ZGPAT: variants seen among roughly 807,000 people sequenced by gnomAD.
ZGPAT encodes the protein zinc finger CCCH-type with G patch domain-containing protein.
A neutral mutation model predicts 47.9 loss-of-function variants in ZGPAT; 39 were observed. The observed-to-expected ratio is 0.81, with a 90% CI of 0.63 to 1.06. ZGPAT has a LOEUF of 1.06. Among genes scored for constraint, ZGPAT ranks in the 50% least tolerant of loss-of-function variants. ZGPAT has a pLI of 0.00. For synonymous variants in ZGPAT, 348 were observed against 292.9 expected, an observed-to-expected ratio of 1.19 and a Z score of -1.92; for missense variants, 717 against 681.4, an observed-to-expected ratio of 1.05 and a Z score of -0.58.
At chr20:63,716,723 C>T (rs1399789152) in intron 2 of ZGPAT, among the ~76,000 whole-genome samples, 1 of 152,102 alleles carries the variant, frequency 6.6e-6, no homozygotes, top group Admixed American at 6.6e-5. Context: ...GTTTCTGTCT[C>T]CCAGGCTGGA....
At chr20:63,712,673 A>G (rs969811627) in intron 2 of ZGPAT, among the ~76,000 whole-genome samples, 8 of 152,186 alleles carry the variant, frequency 5.3e-5, no homozygotes, top group African/African-American at 1.7e-4. Context: ...AGGCGGGCAT[A>G]TCACTTGAGG....
chr20:63,712,296 C>T (rs976294047), intron 2 of ZGPAT, among the ~76,000 whole-genome samples: 1 of 152,110 alleles, frequency 6.6e-6, no homozygotes, highest in African/African-American at 2.4e-5. Context: ...CACTTTTGTC[C>T]AAAATCAATT....
At chr20:63,717,320 CTTTT>C (rs1428363366) in intron 2 of ZGPAT, among the ~76,000 whole-genome samples, 15 of 110,118 alleles carry the variant, frequency 1.4e-4, no homozygotes, top group African/African-American at 5.1e-4. Context: ...TTTGAGATCT[CTTTT>C]TTCTTTTCTT....
At chr20:63,717,631 G>A (rs1299630646) in intron 2 of ZGPAT, among the ~76,000 whole-genome samples, 4 of 152,062 alleles carry the variant, frequency 2.6e-5, no homozygotes, top group South Asian at 2.1e-4. Context: ...GGAGAGCAGC[G>A]ATGCGATCAT....
chr20:63,721,262 G>C (rs942686108), intron 2 of ZGPAT, among the ~76,000 whole-genome samples: 6 of 151,720 alleles, frequency 4.0e-5, no homozygotes, highest in Non-Finnish European at 7.4e-5. Context: ...TGAGGCAGGA[G>C]AATCGCTTCA....
At chr20:63,710,552 C>T (rs576535683) in intron 2 of ZGPAT, among the ~76,000 whole-genome samples, 1 of 152,328 alleles carries the variant, frequency 6.6e-6, no homozygotes, top group South Asian at 2.1e-4. Flanking sequence ...AATCACCGCC[C>T]ACGGTCCATC....
At chr20:63,713,293 C>T (rs2145642703) in intron 2 of ZGPAT, among the ~76,000 whole-genome samples, 1 of 151,550 alleles carries the variant, frequency 6.6e-6, no homozygotes, top group Admixed American at 6.6e-5. Flanking sequence ...TGAAGTGGCC[C>T]AATCTTGGCT....
chr20:63,724,108 C>CT (rs2091818360), intron 2 of ZGPAT, among the ~76,000 whole-genome samples: 1 of 151,434 alleles, frequency 6.6e-6, no homozygotes, highest in Non-Finnish European at 1.5e-5. Context: ...GCTTTTATCT[C>CT]TAATCCCAGC....
At chr20:63,708,465 G>A (rs527638261) in intron 1 of ZGPAT, 88 bp from the exon 2 acceptor site, 7 of 944,728 alleles carry the variant, frequency 7.4e-6, no homozygotes, top group South Asian at 5.2e-5. Flanking sequence ...CTCCCCGAGG[G>A]AAAGGGGACG....
intron 2 of ZGPAT, chr20:63,730,164 AT>A (rs1038606667): frequency 2.7e-4 from 41 of 152,154 alleles, no homozygotes; most frequent in African/African-American, 9.7e-4. Context: ...GAAGGGGCGT[AT>A]TTAATCGAAT....
At position 63,711,028 on chromosome 20, in the gene ZGPAT, CTT is replaced by C. The variant is rs34657783; in HGVS notation, c.584+1879_584+1880del. Reference sequence around the variant, plus strand: ...TAGTTCTAGTTCTTTGAATGTCTTCCTTTTTTTTTTTTTTTTGAAACAGCGTC... The same window carrying C: ...TAGTTCTAGTTCTTTGAATGTCTTCCTTTTTTTTTTTTTTGAAACAGCGTC... On this transcript the variant is annotated intron_variant, in intron 2 of 6. Coordinates refer to ENST00000355969, the MANE Select transcript of ZGPAT (RefSeq NM_181485.3). 1.1e-3 allele frequency among the ~76,000 whole-genome samples: 153 copies of C among 139,700 alleles called. 1 individual carries two copies. The highest frequency in any genetic ancestry group is 1.2e-3 in the African/African-American group (46 of 38,174). The allele number at this position is 139,700 out of a possible 152,430, so 91.6% of individuals were successfully genotyped here. A position where few individuals can be genotyped will look rare whatever the true frequency, so the allele number is the denominator to read the frequency against.
At chr20:63,735,670 A>AG (rs1243776248) in intron 6 of ZGPAT, 106 bp downstream of exon 6, 1 of 1,517,648 alleles carries the variant, frequency 6.6e-7, no homozygotes, top group Non-Finnish European at 8.9e-7. Flanking sequence ...TGAGTCCAGG[A>AG]GGGGTCTGCA....
At chr20:63,719,953 A>G (rs2091770383) in intron 2 of ZGPAT, among the ~76,000 whole-genome samples, 1 of 151,558 alleles carries the variant, frequency 6.6e-6, no homozygotes, top group Admixed American at 6.6e-5. Context: ...CATTGGCCAG[A>G]CTGGTCTTAA....
chr20:63,731,327 T>TA (rs995972077), intron 2 of ZGPAT, among the ~76,000 whole-genome samples: 14 of 72,436 alleles, frequency 1.9e-4, no homozygotes, highest in African/African-American at 7.5e-4. Flanking sequence ...CATACATGTG[T>TA]AAAGTGTACA....
chr20:63,726,313 C>G (rs952451531), intron 2 of ZGPAT, among the ~76,000 whole-genome samples: 9 of 150,480 alleles, frequency 6.0e-5, no homozygotes, highest in African/African-American at 2.0e-4. Context: ...ATTCTCCTGC[C>G]TCACCCTCCC....
intron 2 of ZGPAT, among the ~76,000 whole-genome samples, chr20:63,710,231 G>A (rs750957939): frequency 2.0e-5 from 3 of 148,966 alleles, no homozygotes; most frequent in South Asian, 2.1e-4. Context: ...TCAGCTTACC[G>A]CAACCTCTGT....
chr20:63,724,877 A>G (rs369955000), intron 2 of ZGPAT, among the ~76,000 whole-genome samples: 2 of 151,062 alleles, frequency 1.3e-5, no homozygotes, highest in African/African-American at 2.4e-5. Context: ...GGGTTTCACT[A>G]TGTTGGCCAG....
intron 1 of ZGPAT, 36 bp from the exon 2 acceptor site, chr20:63,708,517 C>G: frequency 6.7e-7 from 1 of 1,483,766 alleles, no homozygotes; most frequent in South Asian, 1.3e-5. Flanking sequence ...GGGTCGGTCC[C>G]GAGACGCGGG....
chr20:63,732,867 C>T (rs1195279842), intron 2 of ZGPAT, among the ~76,000 whole-genome samples: 3 of 150,310 alleles, frequency 2.0e-5, no homozygotes, highest in South Asian at 2.1e-4. Flanking sequence ...TGTGTATATG[C>T]GCGTGTGCGT....
Sources: gnomAD v4.1 joint callset for allele counts (sites outside exome capture counted in the v4.1 genomes callset) on GRCh38, gnomAD v4.1.1 for gene constraint, MANE v1.5 for transcripts, NCBI Gene and HGNC (gene_info 2026-07-23, HGNC 2026-07-21) for gene names.